The following SPAST variants were observed in gnomAD, a reference collection of about 807,000 sequenced individuals.
SPAST encodes the protein spastin.
Under a neutral mutation model 76.6 loss-of-function variants are expected in SPAST, and 30 were observed. The ratio of observed to expected loss-of-function variants is 0.39; its 90% CI spans 0.29 to 0.53. The LOEUF is 0.53. SPAST is among the 20% of genes least tolerant of loss of function. The pLI is 0.68. For synonymous variants in SPAST, 305 were observed against 281.0 expected (o/e 1.09, Z -0.86); for missense variants, 717 against 770.5 (o/e 0.93, Z 0.82).
At chr2:32,119,049 G>C (rs1678934088) in intron 7 of SPAST, among the ~76,000 whole-genome samples, 1 of 152,086 alleles carries the variant, frequency 6.6e-6, no homozygotes, top group Admixed American at 6.6e-5. Context: ...CCTCAGGAGG[G>C]GCAGAAACCT....
chr2:32,108,220 A>C (rs1173020230), intron 4 of SPAST, among the ~76,000 whole-genome samples: 1 of 152,182 alleles, frequency 6.6e-6, no homozygotes, highest in Non-Finnish European at 1.5e-5. Context: ...TAATATTCTA[A>C]AGTTGAAAAG....
intron 12 of SPAST, among the ~76,000 whole-genome samples, chr2:32,140,946 T>G (rs56320040): frequency 0.016 from 1,326 of 83,996 alleles, 3 homozygotes; most frequent in East Asian, 0.029. Flanking sequence ...TGTTGTTGTT[T>G]TTTTTTTTTT....
At chr2:32,064,954 C>G (rs1676449774) in intron 1 of SPAST, among the ~76,000 whole-genome samples, 1 of 152,082 alleles carries the variant, frequency 6.6e-6, no homozygotes, top group East Asian at 1.9e-4. Flanking sequence ...ACAGTAAAAC[C>G]TAAAACAACT....
At chr2:32,102,551 T>C (rs1678166146) in intron 4 of SPAST, among the ~76,000 whole-genome samples, 1 of 152,248 alleles carries the variant, frequency 6.6e-6, no homozygotes, top group Non-Finnish European at 1.5e-5. Context: ...TTGTGCTAGC[T>C]TTCAAAGGGA....
chr2:32,102,384 G>C (rs1488670600), intron 4 of SPAST, among the ~76,000 whole-genome samples: 1 of 152,118 alleles, frequency 6.6e-6, no homozygotes, highest in Admixed American at 6.6e-5. Context: ...GAGATGATGG[G>C]GTTTTCTAAA....
intron 3 of SPAST, among the ~76,000 whole-genome samples, chr2:32,096,264 G>T (rs568639007): frequency 1.6e-4 from 24 of 152,228 alleles, no homozygotes; most frequent in African/African-American, 5.8e-4. Context: ...GCAAAACCTT[G>T]TATCTACTAA....
intron 2 of SPAST, among the ~76,000 whole-genome samples, chr2:32,088,829 A>G (rs1677597387): frequency 6.6e-6 from 1 of 152,164 alleles, no homozygotes; most frequent in Non-Finnish European, 1.5e-5. Flanking sequence ...CAACAATATT[A>G]ATATCTGTGA....
In SPAST at chr2:32,080,300, A is replaced by G. The variant is rs1466480510; in HGVS notation, c.416-7192A>G. 3.3e-5 allele frequency among the ~76,000 whole-genome samples: 5 copies of G among 152,244 alleles called. No homozygotes were observed. In the South Asian group the frequency reaches 6.2e-4, roughly 19 times the overall value. ...TTTTATGTTTATCAATTTTGTAAAC[A>G]TTTTAAGCTCTGCAGCATAACTACT... is the stretch of plus-strand genomic sequence containing the variant. On this transcript the variant is annotated intron_variant, in intron 1 of 16. Coordinates refer to ENST00000315285, the MANE Select transcript of SPAST (RefSeq NM_014946.4).
At chr2:32,132,883 A>G (rs1406341172) in intron 9 of SPAST, among the ~76,000 whole-genome samples, 1 of 152,124 alleles carries the variant, frequency 6.6e-6, no homozygotes, top group Non-Finnish European at 1.5e-5. Flanking sequence ...AATCTCTACT[A>G]AAAATACAAA....
intron 1 of SPAST, among the ~76,000 whole-genome samples, chr2:32,079,553 A>C (rs1254251038): frequency 2.0e-4 from 29 of 142,254 alleles, no homozygotes; most frequent in Admixed American, 3.6e-4. Flanking sequence ...TACACCCGCC[A>C]CCCCACCCCT....
chr2:32,087,915 G>A (rs1160246808), intron 2 of SPAST, among the ~76,000 whole-genome samples: 9 of 149,664 alleles, frequency 6.0e-5, no homozygotes, highest in Admixed American at 4.0e-4. Flanking sequence ...ACAGAGTCTC[G>A]CTCTTTTGCC....
At chr2:32,088,222 A>G (rs944374463) in intron 2 of SPAST, among the ~76,000 whole-genome samples, 2 of 151,830 alleles carry the variant, frequency 1.3e-5, no homozygotes, top group African/African-American at 4.8e-5. Flanking sequence ...TTGTAGAGAC[A>G]GGGTCTCACT....
At chr2:32,091,825 C>G (rs1206636242) in intron 3 of SPAST, among the ~76,000 whole-genome samples, 2 of 151,308 alleles carry the variant, frequency 1.3e-5, no homozygotes, top group African/African-American at 2.4e-5. Flanking sequence ...AAGAGCGAGA[C>G]TCTGTCTCAA....
At chr2:32,069,558 T>C (rs556374673) in intron 1 of SPAST, among the ~76,000 whole-genome samples, 1 of 151,568 alleles carries the variant, frequency 6.6e-6, no homozygotes, top group African/African-American at 2.4e-5. Context: ...TATCTTTTTT[T>C]TTTTTTTTTC....
intron 1 of SPAST, among the ~76,000 whole-genome samples, chr2:32,080,029 AC>A (rs1160114679): frequency 6.6e-6 from 1 of 152,190 alleles, no homozygotes; most frequent in African/African-American, 2.4e-5. Flanking sequence ...TAGGGGCTGC[AC>A]CATTTTGCAT....
chr2:32,085,358 G>A (rs779224694), intron 1 of SPAST, among the ~76,000 whole-genome samples: 4 of 151,972 alleles, frequency 2.6e-5, no homozygotes, highest in African/African-American at 7.2e-5. Context: ...TGGGACCACA[G>A]ATGTGTATCC....
intron 8 of SPAST, 135 bp from the exon 9 acceptor site, chr2:32,128,273 G>A: frequency 1.5e-6 from 1 of 688,832 alleles, no homozygotes; most frequent in Non-Finnish European, 2.5e-6. Context: ...GGGATTACAG[G>A]CATGAGCCAC....
At chr2:32,067,328 C>T (rs770033998) in intron 1 of SPAST, among the ~76,000 whole-genome samples, 5 of 152,254 alleles carry the variant, frequency 3.3e-5, no homozygotes, top group East Asian at 1.9e-4. Flanking sequence ...TCCCAAAGTG[C>T]TGGGATTACA....
intron 9 of SPAST, chr2:32,129,481 T>C (rs1679301566): frequency 6.6e-6 from 1 of 152,104 alleles, no homozygotes; most frequent in Non-Finnish European, 1.5e-5. Context: ...TTCAAAGAAG[T>C]GTTCAGTCTA....
Sources: allele counts gnomAD v4.1 joint callset (sites outside exome capture counted in the v4.1 genomes callset), GRCh38; gene constraint gnomAD v4.1.1; transcripts MANE v1.5; gene names NCBI Gene and HGNC (gene_info 2026-07-23, HGNC 2026-07-21).